Variants in CEP350 observed in about 807,000 individuals in gnomAD.
CEP350 encodes centrosome-associated protein 350.
CEP350 carries 126 observed loss-of-function variants against 331.8 expected under a neutral mutation model. That is an observed-to-expected ratio of 0.38 (90% CI 0.33 to 0.44). The LOEUF (loss-of-function observed/expected upper bound fraction) is 0.44, where lower values mean the gene tolerates loss of function less well. Ranked by LOEUF, CEP350 falls within the 20% of genes least tolerant of loss-of-function variation. The pLI is 1.00. For synonymous variants in CEP350, 1,200 were observed against 1,259.5 expected, an observed-to-expected ratio of 0.95 and a Z score of 1.00; for missense variants, 3,406 against 3,634.6, an observed-to-expected ratio of 0.94 and a Z score of 1.62.
At chr1:180,076,459 A>T (rs1222514393) in intron 28 of CEP350, among the ~76,000 whole-genome samples, 1 of 152,132 alleles carries the variant, frequency 6.6e-6, no homozygotes, top group East Asian at 1.9e-4. Context: ...AAAGGAGAAA[A>T]ATTGATCATC....
intron 27 of CEP350, among the ~76,000 whole-genome samples, chr1:180,074,076 G>C (rs1488000218): frequency 2.0e-5 from 3 of 151,960 alleles, no homozygotes; most frequent in Non-Finnish European, 4.4e-5. Context: ...TTGACATGAT[G>C]ATGGCTCAAG....
At chr1:179,961,097 G>A (rs1429207806) in intron 1 of CEP350, among the ~76,000 whole-genome samples, 2 of 151,864 alleles carry the variant, frequency 1.3e-5, no homozygotes, top group Admixed American at 6.6e-5. Context: ...TGTGTTATAC[G>A]TGTATGTGTA....
chr1:179,965,618 T>TTC (rs1295540243), intron 1 of CEP350, among the ~76,000 whole-genome samples: 3 of 114,860 alleles, frequency 2.6e-5, no homozygotes, highest in African/African-American at 9.4e-5. Flanking sequence ...TTCTTTTCTT[T>TTC]TTTTTTTTTT....
At chr1:179,997,273 T>C in intron 6 of CEP350, 98 bp downstream of exon 6, 3 of 1,390,970 alleles carry the variant, frequency 2.2e-6, no homozygotes, top group Non-Finnish European at 2.9e-6. Context: ...TAGAACAGGA[T>C]GTTATTCTTG....
At position 180,036,909 on chromosome 1, in the gene CEP350, A is replaced by G; in HGVS notation, c.3947-17A>G. The G allele has an allele frequency of 6.7e-7, 1 of 1,502,258 alleles. No homozygotes were observed. The highest frequency in any genetic ancestry group is 8.9e-7 in the Non-Finnish European group (1 of 1,124,780). The allele number at this position is 1,502,258 out of a possible 1,614,324, so 93.1% of individuals were successfully genotyped here. On this transcript the variant is annotated splice_polypyrimidine_tract_variant and intron_variant, in intron 16 of 37. Transcript: ENST00000367607. ...TTCATGTTAACTTTTCCATTTGACCATTGTCATGCCTTCCAGGTTCTAAGC... is the reference window on the plus strand; with the variant it reads ...TTCATGTTAACTTTTCCATTTGACCGTTGTCATGCCTTCCAGGTTCTAAGC...
chr1:180,055,797 C>T (rs12141545), intron 25 of CEP350, among the ~76,000 whole-genome samples: 14,152 of 152,064 alleles, frequency 0.093, 1,101 homozygotes, highest in African/African-American at 0.21. Context: ...CCGCCATCCT[C>T]AGCCTCCCAA....
intron 11 of CEP350, among the ~76,000 whole-genome samples, chr1:180,018,856 T>C (rs2483620): frequency 0.57 from 83,126 of 145,316 alleles, 25,612 homozygotes; most frequent in East Asian, 0.71. Flanking sequence ...TCTCTTTCTT[T>C]CTTTTTTTTT....
intron 6 of CEP350, among the ~76,000 whole-genome samples, chr1:180,001,214 T>C (rs1479776914): frequency 6.6e-6 from 1 of 152,214 alleles, no homozygotes; most frequent in Non-Finnish European, 1.5e-5. Context: ...TTGTTGTTTT[T>C]GACAAAACAA....
intron 17 of CEP350, among the ~76,000 whole-genome samples, chr1:180,040,646 A>AT (rs1656703805): frequency 1.5e-4 from 22 of 148,936 alleles, no homozygotes; most frequent in South Asian, 8.5e-4. Flanking sequence ...ATGAAAAAAA[A>AT]AATATATATA....
chr1:180,104,053 T>C (rs967595515), intron 37 of CEP350, among the ~76,000 whole-genome samples: 2 of 140,862 alleles, frequency 1.4e-5, no homozygotes, highest in African/African-American at 5.4e-5. Flanking sequence ...TATACAAATA[T>C]ATATTTTAAA....
intron 16 of CEP350, 52 bp downstream of exon 16, chr1:180,034,134 T>G: frequency 6.5e-7 from 1 of 1,541,020 alleles, no homozygotes; most frequent in Non-Finnish European, 8.8e-7. Flanking sequence ...GAAATTTTTT[T>G]CTCTCAACAT....
chr1:180,016,660 G>GTTTTTTTT (rs10660202), intron 11 of CEP350, among the ~76,000 whole-genome samples: 1 of 128,288 alleles, frequency 7.8e-6, no homozygotes, highest in African/African-American at 3.0e-5. Context: ...TTTGGGTTAT[G>GTTTTTTTT]TTTTTTTTTT....
rs77502310 is a variant in CEP350, at chr1:180,098,460, C to T, written c.9067-403C>T. Among the ~76,000 whole-genome samples, 1,016 of 152,186 alleles carry T rather than the reference C, an allele frequency of 6.7e-3. 10 individuals carry two copies. Among genetic ancestry groups the T allele is most frequent in the African/African-American group, 0.023 (961 of 41,504 alleles). On this transcript the variant is annotated intron_variant, in intron 36 of 37. Coordinates refer to ENST00000367607, the MANE Select transcript of CEP350 (RefSeq NM_014810.5). ...GGCTCAATCAGTTCTCCCACCTCAC[C>T]CTCCTGAGTAGCCAGAACTACAGTC...
chr1:180,042,072 G>A (rs1251903873), intron 19 of CEP350, among the ~76,000 whole-genome samples: 2 of 150,640 alleles, frequency 1.3e-5, no homozygotes, highest in African/African-American at 4.9e-5. Context: ...CTTTATTGAT[G>A]TATAATTTAT....
At chr1:179,986,130 TATA>T in intron 1 of CEP350, 36 bp from the exon 2 acceptor site, 1 of 1,445,676 alleles carries the variant, frequency 6.9e-7, no homozygotes, top group Non-Finnish European at 9.5e-7. Flanking sequence ...AAAGTAATAT[TATA>T]AGATTGATGT....
chr1:179,974,273 A>C (rs1351818093), intron 1 of CEP350, among the ~76,000 whole-genome samples: 1 of 151,768 alleles, frequency 6.6e-6, no homozygotes, highest in African/African-American at 2.4e-5. Flanking sequence ...GTAGAGACAG[A>C]GTTTCACCAT....
intron 3 of CEP350, among the ~76,000 whole-genome samples, chr1:179,988,209 A>G (rs2148673417): frequency 6.6e-6 from 1 of 151,732 alleles, no homozygotes; most frequent in East Asian, 1.9e-4. Context: ...AGGTGGGATG[A>G]TTACCTGAGC....
At chr1:180,061,823 G>C (rs1004176926) in intron 25 of CEP350, among the ~76,000 whole-genome samples, 6 of 152,160 alleles carry the variant, frequency 3.9e-5, no homozygotes. Flanking sequence ...CATTATTTGA[G>C]ATAGTAAAAC....
chr1:180,062,051 A>G (rs1571941435), intron 25 of CEP350, among the ~76,000 whole-genome samples, 169 bp from the exon 26 acceptor site: 2 of 152,208 alleles, frequency 1.3e-5, no homozygotes, highest in Admixed American at 6.5e-5. Context: ...GGGATTATAT[A>G]TGATTTATTT....
Sources: allele counts gnomAD v4.1 joint callset (sites outside exome capture counted in the v4.1 genomes callset), GRCh38; gene constraint gnomAD v4.1.1; transcripts MANE v1.5; gene names NCBI Gene and HGNC (gene_info 2026-07-23, HGNC 2026-07-21).